Variants in KCNAB1 observed in about 807,000 individuals in gnomAD.
KCNAB1 encodes voltage-gated potassium channel subunit beta-1.
In KCNAB1, 35 loss-of-function variants were observed where a neutral mutation model predicts 64.6. The ratio of observed to expected loss-of-function variants is 0.54; its 90% CI spans 0.41 to 0.72. The LOEUF (loss-of-function observed/expected upper bound fraction) is 0.72, where lower values mean the gene tolerates loss of function less well. Ranked by LOEUF, KCNAB1 falls within the 30% of genes least tolerant of loss-of-function variation. The probability of loss-of-function intolerance (pLI) is 0.00; values close to 1 mark genes in which losing one functional copy is unlikely to be tolerated. For synonymous variants in KCNAB1, 177 were observed against 183.8 expected, an observed-to-expected ratio of 0.96 and a Z score of 0.30; for missense variants, 401 against 512.9, an observed-to-expected ratio of 0.78 and a Z score of 2.11.
At chr3:156,437,695 A>G (rs910389725) in intron 2 of KCNAB1, among the ~76,000 whole-genome samples, 3 of 152,174 alleles carry the variant, frequency 2.0e-5, no homozygotes, top group African/African-American at 7.2e-5. Context: ...GGATTTTTGC[A>G]GAAGGTTAGT....
chr3:156,323,077 T>TG (rs1429484755), intron 1 of KCNAB1, among the ~76,000 whole-genome samples: 8 of 152,384 alleles, frequency 5.2e-5, no homozygotes, highest in African/African-American at 1.9e-4. Flanking sequence ...CTTGGTGCAC[T>TG]GATCAGCAGG....
At chr3:156,249,023 G>GTT in intron 1 of KCNAB1, among the ~76,000 whole-genome samples, 1 of 104,182 alleles carries the variant, frequency 9.6e-6, no homozygotes, top group East Asian at 3.9e-4. Flanking sequence ...TAGAAATCTG[G>GTT]TTGTGTTTTT....
At chr3:156,288,925 C>A (rs772096940) in intron 1 of KCNAB1, among the ~76,000 whole-genome samples, 1 of 152,130 alleles carries the variant, frequency 6.6e-6, no homozygotes, top group Non-Finnish European at 1.5e-5. Context: ...ATCCACCTAC[C>A]TTCCTTCCTT....
chr3:156,199,688 TA>T (rs1350777714), intron 1 of KCNAB1, among the ~76,000 whole-genome samples: 6 of 152,258 alleles, frequency 3.9e-5, no homozygotes, highest in Non-Finnish European at 5.9e-5. Flanking sequence ...TGTTCTTTTC[TA>T]AACCAGTTAT....
intron 5 of KCNAB1, chr3:156,460,106 G>A (rs777471102): frequency 6.7e-6 from 3 of 446,446 alleles, no homozygotes; most frequent in Non-Finnish European, 1.2e-5. Context: ...GCAGAGAAGG[G>A]GGGGATGTTC....
At chr3:156,229,807 G>A (rs531922865) in intron 1 of KCNAB1, among the ~76,000 whole-genome samples, 2 of 152,134 alleles carry the variant, frequency 1.3e-5, no homozygotes, top group African/African-American at 4.8e-5. Flanking sequence ...GTGCCTAGAG[G>A]TACTTGTTTG....
intron 2 of KCNAB1, among the ~76,000 whole-genome samples, chr3:156,422,565 G>C (rs567569483): frequency 6.6e-6 from 1 of 152,320 alleles, no homozygotes; most frequent in Admixed American, 6.5e-5. Context: ...AAAAATGAGA[G>C]AGAAATTTAG....
At chr3:156,225,656 G>A (rs1716109366) in intron 1 of KCNAB1, among the ~76,000 whole-genome samples, 1 of 152,130 alleles carries the variant, frequency 6.6e-6, no homozygotes, top group South Asian at 2.1e-4. Context: ...TGGTATGATT[G>A]TATACCTAGA....
chr3:156,368,794 G>A (rs1456120098), intron 1 of KCNAB1, among the ~76,000 whole-genome samples: 1 of 152,138 alleles, frequency 6.6e-6, no homozygotes, highest in Non-Finnish European at 1.5e-5. Flanking sequence ...AGTGCCCCGT[G>A]TACAAGATGA....
intron 1 of KCNAB1, among the ~76,000 whole-genome samples, chr3:156,263,729 T>C (rs901275500): frequency 1.1e-4 from 16 of 152,106 alleles, no homozygotes; most frequent in African/African-American, 3.9e-4. Flanking sequence ...TGTCCTCCCA[T>C]ATACTTTAAA....
At chr3:156,227,916 A>G (rs1430967381) in intron 1 of KCNAB1, 1 of 152,294 alleles carries the variant, frequency 6.6e-6, no homozygotes, top group Non-Finnish European at 1.5e-5. Flanking sequence ...AAGGTCAGAA[A>G]GAGACACTGA....
intron 2 of KCNAB1, among the ~76,000 whole-genome samples, chr3:156,422,494 A>G (rs1715528097): frequency 6.6e-6 from 1 of 152,252 alleles, no homozygotes. Context: ...AAAGTCAAGG[A>G]TGACTCTAAG....
At chr3:156,297,007 G>A (rs1490476160) in intron 1 of KCNAB1, among the ~76,000 whole-genome samples, 2 of 152,096 alleles carry the variant, frequency 1.3e-5, no homozygotes, top group African/African-American at 4.8e-5. Context: ...AGTTATACAT[G>A]TATTCATTTT....
intron 1 of KCNAB1, among the ~76,000 whole-genome samples, chr3:156,189,513 G>T (rs1437817819): frequency 6.6e-6 from 1 of 152,184 alleles, no homozygotes; most frequent in Non-Finnish European, 1.5e-5. Context: ...CATTAAAGGG[G>T]TGTTGGGGGA....
At chr3:156,122,713 A>G (rs1713421577) in intron 1 of KCNAB1, among the ~76,000 whole-genome samples, 1 of 152,228 alleles carries the variant, frequency 6.6e-6, no homozygotes, top group South Asian at 2.1e-4. Context: ...TCCACCTTAC[A>G]TGATCAAAAA....
At chr3:156,399,297 G>GA (rs1713718498) in intron 1 of KCNAB1, among the ~76,000 whole-genome samples, 1 of 152,094 alleles carries the variant, frequency 6.6e-6, no homozygotes. Context: ...GTTCTTTCTA[G>GA]AAAAAATAAA....
intron 1 of KCNAB1, among the ~76,000 whole-genome samples, chr3:156,311,456 T>C (rs1001236272): frequency 6.6e-6 from 1 of 152,200 alleles, no homozygotes; most frequent in Non-Finnish European, 1.5e-5. Context: ...GGTTGGGTCC[T>C]ACCACTGAAG....
chr3:156,228,824 C>T (rs1716343608), intron 1 of KCNAB1, among the ~76,000 whole-genome samples: 1 of 152,238 alleles, frequency 6.6e-6, no homozygotes, highest in Non-Finnish European at 1.5e-5. Context: ...CTTCCACAGA[C>T]AGTTTTCTGT....
intron 2 of KCNAB1, among the ~76,000 whole-genome samples, chr3:156,427,363 T>C (rs1275418141): frequency 6.6e-6 from 1 of 152,132 alleles, no homozygotes; most frequent in East Asian, 1.9e-4. Flanking sequence ...GTCATTGAGA[T>C]CACCTGGAAA....
Sources: allele counts gnomAD v4.1 joint callset (sites outside exome capture counted in the v4.1 genomes callset), GRCh38; gene constraint gnomAD v4.1.1; transcripts MANE v1.5; gene names NCBI Gene and HGNC (gene_info 2026-07-23, HGNC 2026-07-21).